Variants in DACH1 observed in about 807,000 individuals in gnomAD.
DACH1 encodes dachshund homolog 1.
In DACH1, 12 loss-of-function variants were observed where a neutral mutation model predicts 54.2. The ratio of observed to expected loss-of-function variants is 0.22; its 90% CI spans 0.14 to 0.36. The LOEUF is 0.36. DACH1 is among the 10% of genes least tolerant of loss of function. The pLI, the probability that DACH1 is intolerant of heterozygous loss-of-function variation, is 1.00. For missense variants in DACH1, 805 were observed against 929.8 expected (o/e 0.87, Z 1.75); for synonymous variants, 386 against 366.2 (o/e 1.05, Z -0.62).
intron 10 of DACH1, among the ~76,000 whole-genome samples, chr13:71,465,499 G>C (rs1876490408): frequency 6.6e-6 from 1 of 152,016 alleles, no homozygotes; most frequent in Admixed American, 6.6e-5. Context: ...GAGGAAGCAG[G>C]CTTTGTGAAT....
At chr13:71,702,184 T>C (rs1487299160) in intron 1 of DACH1, among the ~76,000 whole-genome samples, 1 of 152,192 alleles carries the variant, frequency 6.6e-6, no homozygotes, top group East Asian at 1.9e-4. Flanking sequence ...ACTTGAAATA[T>C]ATGAAGTTCT....
chr13:71,450,906 T>C (rs933825587), intron 10 of DACH1, among the ~76,000 whole-genome samples: 2 of 152,090 alleles, frequency 1.3e-5, no homozygotes, highest in African/African-American at 4.8e-5. Flanking sequence ...AATGATATTC[T>C]AGTCTGTACT....
intron 3 of DACH1, among the ~76,000 whole-genome samples, chr13:71,590,151 C>T (rs191644513): frequency 6.6e-6 from 1 of 152,096 alleles, no homozygotes; most frequent in African/African-American, 2.4e-5. Context: ...GTTCACAAGC[C>T]ACACAGCGCA....
chr13:71,477,794 C>T (rs1877705100), intron 8 of DACH1, among the ~76,000 whole-genome samples: 1 of 152,116 alleles, frequency 6.6e-6, no homozygotes, highest in Admixed American at 6.5e-5. Context: ...CAAATGGGAT[C>T]GTCATGTTCT....
chr13:71,645,878 T>C (rs1050278186), intron 2 of DACH1, among the ~76,000 whole-genome samples: 1 of 152,182 alleles, frequency 6.6e-6, no homozygotes, highest in Non-Finnish European at 1.5e-5. Flanking sequence ...TAAACATTGC[T>C]GCACTAGCCT....
intron 1 of DACH1, among the ~76,000 whole-genome samples, chr13:71,809,619 G>GT (rs776480223): frequency 7.9e-5 from 12 of 152,168 alleles, no homozygotes; most frequent in Non-Finnish European, 1.5e-4. Context: ...TAAGCATATA[G>GT]TAACATCAAT....
intron 1 of DACH1, among the ~76,000 whole-genome samples, chr13:71,686,256 A>G (rs1010390237): frequency 1.3e-5 from 2 of 152,180 alleles, no homozygotes; most frequent in Non-Finnish European, 2.9e-5. Context: ...TTAAAAGAGG[A>G]AAGCAATAGC....
intron 6 of DACH1, among the ~76,000 whole-genome samples, chr13:71,491,440 C>A (rs575982572): frequency 6.6e-6 from 1 of 152,030 alleles, no homozygotes; most frequent in African/African-American, 2.4e-5. Flanking sequence ...TTTAATGGAA[C>A]GCTCATTTTG....
In DACH1 at chr13:71,594,308, C is replaced by T. The variant is rs187062393; in HGVS notation, c.1127-21296G>A. Among the ~76,000 whole-genome samples, 45 of 151,968 alleles carry T rather than the reference C, an allele frequency of 3.0e-4. 1 individual carries two copies. In the East Asian group the frequency reaches 8.3e-3, roughly 28 times the overall value. On this transcript the variant is annotated intron_variant, in intron 3 of 10. Coordinates refer to ENST00000613252, the MANE Select transcript of DACH1 (RefSeq NM_080759.6). ...ATTAATTCTTAATGTTTAAAGAAAG[C>T]TATTTAATTTACAAAATAATCACTC...
chr13:71,473,416 AC>A (rs991673092), intron 10 of DACH1, among the ~76,000 whole-genome samples: 1 of 152,156 alleles, frequency 6.6e-6, no homozygotes, highest in African/African-American at 2.4e-5. Context: ...TGTGATTAAA[AC>A]TTTTCTTCAG....
At chr13:71,761,044 C>T (rs1027607865) in intron 1 of DACH1, among the ~76,000 whole-genome samples, 13 of 151,130 alleles carry the variant, frequency 8.6e-5, no homozygotes, top group African/African-American at 1.9e-4. Context: ...TCTTTTACTC[C>T]GGGGCAAGAA....
At chr13:71,653,439 T>C (rs1878822558) in intron 2 of DACH1, among the ~76,000 whole-genome samples, 1 of 152,204 alleles carries the variant, frequency 6.6e-6, no homozygotes, top group African/African-American at 2.4e-5. Context: ...TTTCCTCTTA[T>C]CTCAGAAGGC....
chr13:71,841,063 T>C (rs1481378787), intron 1 of DACH1, among the ~76,000 whole-genome samples: 13 of 152,178 alleles, frequency 8.5e-5, no homozygotes, highest in Admixed American at 4.6e-4. Context: ...TTCATTTTCC[T>C]GGCAGCTGTA....
intron 5 of DACH1, among the ~76,000 whole-genome samples, chr13:71,559,115 A>G (rs1182883030): frequency 3.3e-5 from 5 of 152,110 alleles, no homozygotes; most frequent in Non-Finnish European, 5.9e-5. Context: ...TACAGACACA[A>G]AAATCACTTG....
intron 2 of DACH1, among the ~76,000 whole-genome samples, chr13:71,654,014 T>C (rs1239580982): frequency 1.3e-5 from 2 of 152,188 alleles, no homozygotes; most frequent in Non-Finnish European, 2.9e-5. Context: ...CTATAGTATG[T>C]ATGGGTGTGT....
At chr13:71,774,006 A>C (rs1263632764) in intron 1 of DACH1, among the ~76,000 whole-genome samples, 6 of 151,984 alleles carry the variant, frequency 3.9e-5, no homozygotes, top group African/African-American at 1.4e-4. Flanking sequence ...AATAGCAACA[A>C]CACCACAAAC....
At chr13:71,727,715 C>T (rs941036029) in intron 1 of DACH1, among the ~76,000 whole-genome samples, 1 of 152,036 alleles carries the variant, frequency 6.6e-6, no homozygotes, top group Non-Finnish European at 1.5e-5. Context: ...AGACTGTTAG[C>T]ATTTCAGAAG....
At chr13:71,512,019 T>C (rs1195014682) in intron 6 of DACH1, among the ~76,000 whole-genome samples, 4 of 151,986 alleles carry the variant, frequency 2.6e-5, no homozygotes, top group Admixed American at 6.6e-5. Flanking sequence ...TACCAGAAAG[T>C]GTGTCTTGGT....
At chr13:71,477,035 A>G (rs1025558907) in intron 8 of DACH1, among the ~76,000 whole-genome samples, 2 of 136,856 alleles carry the variant, frequency 1.5e-5, no homozygotes, top group Non-Finnish European at 3.1e-5. Flanking sequence ...CGACTCAAGT[A>G]TTTTAGTTTT....
Sources: gnomAD v4.1 joint callset for allele counts (sites outside exome capture counted in the v4.1 genomes callset) on GRCh38, gnomAD v4.1.1 for gene constraint, MANE v1.5 for transcripts, NCBI Gene and HGNC (gene_info 2026-07-23, HGNC 2026-07-21) for gene names.